The following UNC5D variants were observed in gnomAD, a reference collection of about 807,000 sequenced individuals.
The protein encoded by UNC5D is netrin receptor UNC5D.
UNC5D carries 39 observed loss-of-function variants against 105.4 expected under a neutral mutation model. That is an observed-to-expected ratio of 0.37 (90% CI 0.29 to 0.48). The LOEUF (loss-of-function observed/expected upper bound fraction) is 0.48. UNC5D is among the 20% of genes least tolerant of loss of function. The pLI is 0.98. For synonymous variants in UNC5D, 452 were observed against 450.4 expected (o/e 1.00, Z -0.04); for missense variants, 991 against 1,202.4 (o/e 0.82, Z 2.60).
chr8:35,533,860 C>T (rs1814618093), intron 1 of UNC5D, among the ~76,000 whole-genome samples: 1 of 152,216 alleles, frequency 6.6e-6, no homozygotes, highest in Non-Finnish European at 1.5e-5. Context: ...GACTCCCTGA[C>T]CCCTTGCGCT....
intron 13 of UNC5D, 151 bp downstream of exon 13, chr8:35,750,960 T>A: frequency 1.3e-6 from 1 of 798,122 alleles, no homozygotes; most frequent in Non-Finnish European, 2.0e-6. Flanking sequence ...GCCTGCTGCC[T>A]AGACAGAGCC....
At chr8:35,375,011 C>G (rs759836779) in intron 1 of UNC5D, among the ~76,000 whole-genome samples, 5 of 152,130 alleles carry the variant, frequency 3.3e-5, no homozygotes, top group Non-Finnish European at 7.4e-5. Context: ...TCATAGTTGA[C>G]TTTTAAAATC....
intron 1 of UNC5D, among the ~76,000 whole-genome samples, chr8:35,504,919 G>A (rs1350339799): frequency 1.3e-5 from 2 of 152,160 alleles, no homozygotes; most frequent in African/African-American, 4.8e-5. Context: ...AGACAACTAT[G>A]CCAAACACTC....
intron 1 of UNC5D, among the ~76,000 whole-genome samples, chr8:35,429,938 T>C (rs1806512207): frequency 6.6e-6 from 1 of 152,202 alleles, no homozygotes; most frequent in South Asian, 2.1e-4. Context: ...TCCTTAGTAG[T>C]TCTATAGATT....
intron 1 of UNC5D, among the ~76,000 whole-genome samples, chr8:35,504,644 T>C (rs958324730): frequency 6.6e-6 from 1 of 152,210 alleles, no homozygotes; most frequent in African/African-American, 2.4e-5. Flanking sequence ...TTGTTCTTTC[T>C]GGCAACTCTA....
rs796703740 is a variant in UNC5D, at chr8:35,572,867, G to A, written c.466+4626G>A. ...CGCCCAGGCTGGAGTGCAGTGGTGC[G>A]ATCTGGGCTCACTGCAAGCTCCGCC... On this transcript the variant is annotated intron_variant, in intron 3 of 16. Coordinates refer to ENST00000404895, the MANE Select transcript of UNC5D (RefSeq NM_080872.4). 5.3e-4 allele frequency among the ~76,000 whole-genome samples: 80 copies of A among 149,808 alleles called. 1 individual carries two copies. The highest frequency in any genetic ancestry group is 1.9e-3 in the African/African-American group (77 of 40,668).
intron 1 of UNC5D, among the ~76,000 whole-genome samples, chr8:35,313,750 T>A (rs1809074521): frequency 6.6e-6 from 1 of 152,182 alleles, no homozygotes; most frequent in Non-Finnish European, 1.5e-5. Flanking sequence ...TTTAATACCG[T>A]ACCGCAGCTT....
chr8:35,471,431 G>A (rs1821957), intron 1 of UNC5D, among the ~76,000 whole-genome samples: 324 of 152,074 alleles, frequency 2.1e-3, no homozygotes, highest in African/African-American at 7.4e-3. Context: ...CATTCAGTGA[G>A]GTTTTTTTAA....
At chr8:35,358,006 CA>C (rs1200493806) in intron 1 of UNC5D, among the ~76,000 whole-genome samples, 1 of 152,106 alleles carries the variant, frequency 6.6e-6, no homozygotes, top group Non-Finnish European at 1.5e-5. Flanking sequence ...CCATTTCTCA[CA>C]ACATCTTCCC....
intron 4 of UNC5D, among the ~76,000 whole-genome samples, chr8:35,646,398 G>A (rs1823052307): frequency 6.6e-6 from 1 of 152,080 alleles, no homozygotes; most frequent in African/African-American, 2.4e-5. Context: ...GTCAGGAGCT[G>A]ATTAAAATCA....
intron 8 of UNC5D, among the ~76,000 whole-genome samples, chr8:35,716,505 A>C (rs1391133213): frequency 6.6e-6 from 1 of 152,208 alleles, no homozygotes; most frequent in African/African-American, 2.4e-5. Flanking sequence ...CTTACCAATC[A>C]TGAGGCTTTG....
At chr8:35,238,642 C>T (rs1310311835) in intron 1 of UNC5D, among the ~76,000 whole-genome samples, 1 of 151,978 alleles carries the variant, frequency 6.6e-6, no homozygotes, top group African/African-American at 2.4e-5. Context: ...TTATTTTTGC[C>T]TTAGATACTG....
intron 7 of UNC5D, among the ~76,000 whole-genome samples, chr8:35,697,432 G>A (rs916444243): frequency 7.3e-5 from 11 of 151,252 alleles, no homozygotes; most frequent in South Asian, 2.1e-4. Flanking sequence ...TGGCTGTTAC[G>A]TAAGGTGACT....
intron 1 of UNC5D, among the ~76,000 whole-genome samples, chr8:35,545,780 C>T (rs1815622937): frequency 6.6e-6 from 1 of 152,034 alleles, no homozygotes; most frequent in African/African-American, 2.4e-5. Flanking sequence ...AATCATTTTC[C>T]TTCTTTTCTT....
intron 1 of UNC5D, among the ~76,000 whole-genome samples, chr8:35,492,418 C>T (rs929564309): frequency 6.6e-6 from 1 of 152,078 alleles, no homozygotes; most frequent in Non-Finnish European, 1.5e-5. Flanking sequence ...TTGCTACTTG[C>T]ATTTTCATCC....
intron 13 of UNC5D, among the ~76,000 whole-genome samples, chr8:35,753,941 T>C (rs1830400455): frequency 1.3e-5 from 2 of 152,254 alleles, no homozygotes; most frequent in Admixed American, 6.5e-5. Context: ...TTCTGGATTT[T>C]TACTTTGCTA....
chr8:35,621,324 C>T (rs564520071), intron 4 of UNC5D, among the ~76,000 whole-genome samples: 48 of 152,054 alleles, frequency 3.2e-4, no homozygotes, highest in Non-Finnish European at 5.0e-4. Flanking sequence ...GTGAGTATCA[C>T]GCCTCATCTC....
intron 3 of UNC5D, among the ~76,000 whole-genome samples, chr8:35,594,046 C>A (rs1274837342): frequency 6.6e-6 from 1 of 152,158 alleles, no homozygotes; most frequent in Admixed American, 6.5e-5. Context: ...AGTCCTGAAT[C>A]AAACGGGCTG....
intron 1 of UNC5D, among the ~76,000 whole-genome samples, chr8:35,280,051 A>G (rs1806041012): frequency 6.6e-6 from 1 of 152,116 alleles, no homozygotes; most frequent in Non-Finnish European, 1.5e-5. Flanking sequence ...GCTGGAATGC[A>G]ATGGCATGAC....
Sources: allele counts gnomAD v4.1 joint callset (sites outside exome capture counted in the v4.1 genomes callset), GRCh38; gene constraint gnomAD v4.1.1; transcripts MANE v1.5; gene names NCBI Gene and HGNC (gene_info 2026-07-23, HGNC 2026-07-21).